The following MEGF11 variants were observed in gnomAD, a reference collection of about 807,000 sequenced individuals.
MEGF11 encodes the protein multiple epidermal growth factor-like domains protein 11.
Under a neutral mutation model 146.6 loss-of-function variants are expected in MEGF11, and 126 were observed. The observed-to-expected ratio is 0.86, with a 90% CI of 0.74 to 1.00. The LOEUF (loss-of-function observed/expected upper bound fraction) is 1.00. MEGF11 is among the 50% of genes least tolerant of loss of function. The probability of loss-of-function intolerance (pLI) is 0.00; values close to 1 mark genes in which losing one functional copy is unlikely to be tolerated. For missense variants in MEGF11, 1,509 were observed against 1,521.2 expected, an observed-to-expected ratio of 0.99 and a Z score of 0.13; for synonymous variants, 532 against 583.4, an observed-to-expected ratio of 0.91 and a Z score of 1.27.
At chr15:65,961,638 C>A (rs2080861281) in intron 9 of MEGF11, among the ~76,000 whole-genome samples, 1 of 152,202 alleles carries the variant, frequency 6.6e-6, no homozygotes, top group Non-Finnish European at 1.5e-5. Flanking sequence ...ATCTCACCAG[C>A]CACTTCTTCC....
At chr15:65,964,805 C>T in intron 9 of MEGF11, 103 bp downstream of exon 9, 2 of 1,129,236 alleles carry the variant, frequency 1.8e-6, no homozygotes, top group African/African-American at 1.6e-5. Flanking sequence ...CCCCACCTGC[C>T]TGGATGTCCA....
intron 12 of MEGF11, 38 bp from the exon 13 acceptor site, chr15:65,928,565 A>G (rs1293348944): frequency 1.4e-6 from 2 of 1,441,708 alleles, no homozygotes; most frequent in Admixed American, 1.8e-5. Flanking sequence ...GATCAGACCC[A>G]AACCTCCAGA....
intron 1 of MEGF11, among the ~76,000 whole-genome samples, chr15:66,141,236 GTGTGTGT>G (rs1567261084): frequency 0.051 from 2,954 of 57,924 alleles, 89 homozygotes; most frequent in Middle Eastern, 0.1. Flanking sequence ...ACTCAGGGGT[GTGTGTGT>G]GTGTGTGTGT....
At chr15:65,913,585 T>C in intron 20 of MEGF11, 152 bp downstream of exon 20, 1 of 683,608 alleles carries the variant, frequency 1.5e-6, no homozygotes. Context: ...ATATCTTCTC[T>C]AGGTAGGCTC....
rs1306075131 is a variant in MEGF11, at chr15:65,909,115, C to T, written c.2917G>A (p.Ala973Thr). 6.5e-7 allele frequency: 1 copy of T among 1,535,424 alleles called. No individual in the cohort carries two copies. Among genetic ancestry groups the T allele is most frequent in the Non-Finnish European group, 8.7e-7 (1 of 1,146,484 alleles). ...TCGGGCGGGTACCTGGCCTCCAGGG[C>T]ACTGATCTGGAAATGGGAGTCTAGT... ...NVLDSHFQISALEARYPPEDF... is the reference protein window; with the variant it reads ...NVLDSHFQISTLEARYPPEDF... Residue 973 changes from alanine (A) to threonine (T), a missense_variant, in exon 23 of 26, where the codon GCC becomes ACC. Transcript: ENST00000395614.
chr15:66,152,376 C>A (rs1020295274), intron 1 of MEGF11, among the ~76,000 whole-genome samples: 2 of 152,122 alleles, frequency 1.3e-5, no homozygotes, highest in Admixed American at 6.5e-5. Context: ...CCAGACTCCC[C>A]CCTCCTCCTC....
At chr15:65,978,443 C>T (rs1196607759) in intron 7 of MEGF11, among the ~76,000 whole-genome samples, 1 of 152,184 alleles carries the variant, frequency 6.6e-6, no homozygotes. Flanking sequence ...TCCTCAAATC[C>T]AAAGGCTTCT....
In MEGF11 at chr15:65,916,029, A is replaced by G. The variant is rs890699866; in HGVS notation, c.2344+119T>C. ...CATTTTTCCTTGGAAGTTGTCCCCA[A>G]AGTCAAGGGACCAAGGGGTACAGAG... On this transcript the variant is annotated intron_variant, in intron 18 of 25. Coordinates refer to ENST00000395614, the MANE Select transcript of MEGF11 (RefSeq NM_001385028.1). 6.0e-5 allele frequency: 76 copies of G among 1,267,804 alleles called. No individual in the cohort carries two copies. The East Asian group carries it at 1.6e-3, about 27-fold the overall frequency. The allele number at this position is 1,267,804 out of a possible 1,614,324, so 78.5% of individuals were successfully genotyped here. A position where few individuals can be genotyped will look rare whatever the true frequency, so the allele number is the denominator to read the frequency against.
chr15:66,215,392 C>T (rs1022958836), intron 1 of MEGF11, among the ~76,000 whole-genome samples: 6 of 152,156 alleles, frequency 3.9e-5, no homozygotes, highest in African/African-American at 1.4e-4. Context: ...AGCACACCTC[C>T]ACTTTAATTT....
intron 1 of MEGF11, among the ~76,000 whole-genome samples, chr15:66,158,206 T>G (rs1161628989): frequency 2.0e-5 from 3 of 152,252 alleles, no homozygotes; most frequent in Non-Finnish European, 4.4e-5. Context: ...CCAGAAGCAC[T>G]GCTGAGGACA....
intron 15 of MEGF11, among the ~76,000 whole-genome samples, chr15:65,920,457 A>T (rs1226578146): frequency 1.3e-5 from 2 of 152,198 alleles, no homozygotes; most frequent in Non-Finnish European, 2.9e-5. Context: ...AGGGTGCCAG[A>T]GCTGCTCCCC....
chr15:66,166,947 A>T (rs571748587), intron 1 of MEGF11, among the ~76,000 whole-genome samples: 1 of 152,308 alleles, frequency 6.6e-6, no homozygotes, highest in East Asian at 1.9e-4. Flanking sequence ...ACTGCCCCTC[A>T]GGATGTGCCT....
intron 5 of MEGF11, among the ~76,000 whole-genome samples, chr15:66,079,581 C>T (rs2085756055): frequency 6.6e-6 from 1 of 150,564 alleles, no homozygotes; most frequent in South Asian, 2.1e-4. Flanking sequence ...GCTTAATCCC[C>T]TGTACAGCCA....
intron 5 of MEGF11, among the ~76,000 whole-genome samples, chr15:65,997,249 A>T (rs1794520552): frequency 6.6e-6 from 1 of 152,162 alleles, no homozygotes; most frequent in South Asian, 2.1e-4. Flanking sequence ...AAAGGATGGG[A>T]CTGGATGCTC....
At chr15:65,913,213 G>A (rs2078871815) in intron 20 of MEGF11, among the ~76,000 whole-genome samples, 1 of 152,174 alleles carries the variant, frequency 6.6e-6, no homozygotes, top group Non-Finnish European at 1.5e-5. Context: ...ACACTTGCCA[G>A]AGGGACATTG....
intron 13 of MEGF11, among the ~76,000 whole-genome samples, chr15:65,925,368 T>C (rs914444392): frequency 1.3e-5 from 2 of 152,230 alleles, no homozygotes; most frequent in Non-Finnish European, 2.9e-5. Flanking sequence ...TTGGCAGTTA[T>C]TATATTCTGG....
chr15:66,206,112 C>T (rs1323342914), intron 1 of MEGF11, among the ~76,000 whole-genome samples: 1 of 151,984 alleles, frequency 6.6e-6, no homozygotes, highest in Middle Eastern at 3.2e-3. Context: ...GCATAAAGGA[C>T]AAAATGGAAA....
rs138803329 is a variant in MEGF11, at chr15:66,219,712, A to AAC, written c.-9+33892_-9+33893insGT. Among the ~76,000 whole-genome samples, 497 of 151,440 alleles carry AAC rather than the reference A, an allele frequency of 3.3e-3. 2 individuals carry two copies. The highest frequency in any genetic ancestry group is 5.9e-3 in the Non-Finnish European group (403 of 67,738). Reference sequence around the variant, plus strand: ...GCACTGGTGTTCAAAAACAAAACAAAAAAAAACGTATCTACCATACAACCC... The same window carrying AAC: ...GCACTGGTGTTCAAAAACAAAACAAAACAAAAAACGTATCTACCATACAACCC... On this transcript the variant is annotated intron_variant, in intron 1 of 25. Transcript: ENST00000395614.
intron 4 of MEGF11, among the ~76,000 whole-genome samples, chr15:66,109,268 C>A (rs1465317921): frequency 6.6e-6 from 1 of 152,154 alleles, no homozygotes; most frequent in Non-Finnish European, 1.5e-5. Context: ...GCCCCCAGAG[C>A]AACCACTCCC....
Sources: gnomAD v4.1 joint callset for allele counts (sites outside exome capture counted in the v4.1 genomes callset) on GRCh38, gnomAD v4.1.1 for gene constraint, MANE v1.5 for transcripts, NCBI Gene and HGNC (gene_info 2026-07-23, HGNC 2026-07-21) for gene names.